Variants in CNKSR1 observed in about 807,000 individuals in gnomAD.
CNKSR1 encodes the protein CNK homolog protein 1.
CNKSR1 carries 88 observed loss-of-function variants against 95.6 expected under a neutral mutation model. The observed-to-expected ratio is 0.92, with a 90% CI of 0.78 to 1.10. The LOEUF is 1.10. Ranked by LOEUF, CNKSR1 falls within the 50% of genes least tolerant of loss-of-function variation. The pLI, the probability that CNKSR1 is intolerant of heterozygous loss-of-function variation, is 0.00. For missense variants in CNKSR1, 836 were observed against 912.0 expected (o/e 0.92, Z 1.07); for synonymous variants, 355 against 369.7 (o/e 0.96, Z 0.46).
At chr1:26,186,885 G>A (rs1569886429) in intron 14 of CNKSR1, 3 of 418,430 alleles carry the variant, frequency 7.2e-6, no homozygotes, top group South Asian at 4.5e-5. Context: ...TTACAGGCAT[G>A]AGCCACCATG....
In CNKSR1 at chr1:26,178,834, G is replaced by A. The variant is rs181693178; in HGVS notation, c.52+1235G>A. 3.4e-3 allele frequency among the ~76,000 whole-genome samples: 514 copies of A among 152,316 alleles called. 3 individuals carry two copies. The highest frequency in any genetic ancestry group is 4.8e-3 in the Non-Finnish European group (328 of 68,032). On this transcript the variant is annotated intron_variant, in intron 1 of 20. Transcript: ENST00000361530. ...AGGGCACCAGCCCAATACAGTCACC[G>A]TGCAGGAAGGAGGTGGCTCAGGGGC...
rs985850127 is a variant in CNKSR1, at chr1:26,187,537, C to T, written c.1454+55C>T. 4 of 1,557,532 alleles carry T rather than the reference C, an allele frequency of 2.6e-6. No homozygotes were observed. The African/African-American group carries it at 4.1e-5, about 16-fold the overall frequency. ...TCATATGATTCCCAAACTCTGTGAG[C>T]TTGGGAGCCTAGGCTCAGGAGCCTG... On this transcript the variant is annotated intron_variant, in intron 16 of 20. Coordinates refer to ENST00000361530, the MANE Select transcript of CNKSR1 (RefSeq NM_006314.3).
At chr1:26,179,394 C>T (rs769749680) in intron 1 of CNKSR1, among the ~76,000 whole-genome samples, 10 of 152,228 alleles carry the variant, frequency 6.6e-5, no homozygotes, top group Non-Finnish European at 1.2e-4. Flanking sequence ...AGAAGAGCAA[C>T]GCCAGCAGGA....
At chr1:26,180,382 A>C in intron 1 of CNKSR1, 71 bp from the exon 2 acceptor site, 1 of 1,567,190 alleles carries the variant, frequency 6.4e-7, no homozygotes, top group Non-Finnish European at 8.8e-7. Flanking sequence ...AGAGCTTTGC[A>C]GGCATGAAGA....
intron 14 of CNKSR1, 161 bp from the exon 15 acceptor site, chr1:26,187,007 G>T: frequency 1.5e-6 from 1 of 670,982 alleles, no homozygotes; most frequent in Non-Finnish European, 2.7e-6. Context: ...CCTGACCCCA[G>T]ATTCCAGCCC....
chr1:26,182,219 G>A, intron 4 of CNKSR1, 142 bp from the exon 5 acceptor site: 2 of 866,492 alleles, frequency 2.3e-6, no homozygotes, highest in Non-Finnish European at 3.7e-6. Flanking sequence ...TTAAAACGCT[G>A]AGGCCCTGTG....
chr1:26,184,266 G>A lies in CNKSR1; in HGVS notation c.979G>A (p.Gly327Arg), dbSNP rs772209035. ...AFDLSSNPSP[G>R]PSPAWTDSAS... ...TGACCTGTCTTCAAACCCCAGTCCCGGACCCAGCCCTGCCTGGACAGGTAG... is the reference window on the plus strand; with the variant it reads ...TGACCTGTCTTCAAACCCCAGTCCCAGACCCAGCCCTGCCTGGACAGGTAG... The change falls in exon 11 of 21, where the codon GGA becomes AGA. Residue 327 changes from glycine to arginine, a missense_variant. By Grantham distance (125) the Gly-to-Arg change is moderately radical. Coordinates refer to ENST00000361530, the MANE Select transcript of CNKSR1 (RefSeq NM_006314.3). The A allele has an allele frequency of 5.6e-6, 9 of 1,613,586 alleles. No individual in the cohort carries two copies. Among genetic ancestry groups the A allele is most frequent in the Middle Eastern group, 1.6e-4 (1 of 6,062 alleles).
intron 1 of CNKSR1, chr1:26,180,080 G>A (rs1223642220): frequency 1.2e-5 from 4 of 329,038 alleles, no homozygotes; most frequent in Non-Finnish European, 2.3e-5. Flanking sequence ...AGGCTGCAGT[G>A]AGCCGTGACT....
At chr1:26,181,067 G>A (rs1173993695) in intron 3 of CNKSR1, 171 bp downstream of exon 3, 3 of 761,896 alleles carry the variant, frequency 3.9e-6, no homozygotes, top group South Asian at 3.0e-5. Context: ...ATCACTTGAG[G>A]TCAGGAGTTG....
chr1:26,187,589 G>A, intron 16 of CNKSR1, 107 bp downstream of exon 16: 1 of 1,013,374 alleles, frequency 9.9e-7, no homozygotes, highest in Non-Finnish European at 1.6e-6. Context: ...CTCTCTGAGA[G>A]TGGTTGGTCA....
chr1:26,180,012 T>A (rs2088618926), intron 1 of CNKSR1, among the ~76,000 whole-genome samples: 2 of 152,112 alleles, frequency 1.3e-5, no homozygotes, highest in Admixed American at 1.3e-4. Context: ...GGTGTGTGCC[T>A]GTAGTCCCAG....
Position 26,188,829 on chromosome 1 carries a change from C to G in CNKSR1, c.1748C>G (p.Ser583Cys), listed in dbSNP as rs1263208465. 2 of 1,612,538 alleles carry G rather than the reference C, an allele frequency of 1.2e-6. No individual in the cohort carries two copies. Among genetic ancestry groups the G allele is most frequent in the East Asian group, 4.5e-5 (2 of 44,842 alleles). ...CGGGGGCTGAGGCAGGGTGGCGTGT[C>G]CCTCCTAGGCCAGCCACAGCCCCTG... ...MVRGLRQGGV[S>C]LLGQPQPLTQ... The change falls in exon 20 of 21, where the codon TCC (serine) becomes TGC (cysteine). Residue 583 changes from serine to cysteine, a missense_variant. Ser to Cys is a moderately radical substitution (Grantham distance 112). Transcript: ENST00000361530.
chr1:26,186,922 T>G (rs1164390380), intron 14 of CNKSR1: 3 of 489,074 alleles, frequency 6.1e-6, no homozygotes, highest in Non-Finnish European at 1.1e-5. Context: ...CTCTTTTTTT[T>G]TTTTTTGGCT....
intron 13 of CNKSR1, 22 bp downstream of exon 13, chr1:26,184,634 G>A: frequency 1.3e-6 from 2 of 1,588,990 alleles, no homozygotes; most frequent in Non-Finnish European, 8.6e-7. Flanking sequence ...GCTGGACTAG[G>A]TGGGGGTTCC....
Position 26,185,026 on chromosome 1 carries a change from G to C in CNKSR1, c.1148G>C (p.Arg383Pro). 1 of 1,599,058 alleles carries C rather than the reference G, an allele frequency of 6.3e-7. No homozygotes were observed. Among genetic ancestry groups the C allele is most frequent in the South Asian group, 1.1e-5 (1 of 90,022 alleles). ...GRKKSKGLAT[R>P]LSRRRVSCRE... ...TGTGCTGCTACAGGCCTGGCGACCC[G>C]GCTGAGCCGCCGGCGGGTGTCATGC... The change falls in exon 14 of 21, where the codon CGG becomes CCG. Residue 383 changes from arginine (R) to proline (P), a missense_variant. Arg to Pro is a moderately radical substitution (Grantham distance 103). Coordinates refer to ENST00000361530, the MANE Select transcript of CNKSR1 (RefSeq NM_006314.3).
Position 26,185,020 on chromosome 1 carries a change from C to T in CNKSR1, c.1142C>T (p.Ala381Val), listed in dbSNP as rs764304706. 15 of 1,595,580 alleles carry T rather than the reference C, an allele frequency of 9.4e-6. No individual in the cohort carries two copies. The highest frequency in any genetic ancestry group is 2.7e-5 in the African/African-American group (2 of 74,778). The change falls in exon 14 of 21, where the codon GCG (alanine) becomes GTG (valine). Residue 381 changes from alanine (A) to valine (V), a missense_variant. Coordinates refer to ENST00000361530, the MANE Select transcript of CNKSR1 (RefSeq NM_006314.3). Reference sequence around the variant, plus strand: ...TTGTGCTGTGCTGCTACAGGCCTGGCGACCCGGCTGAGCCGCCGGCGGGTG... The same window carrying T: ...TTGTGCTGTGCTGCTACAGGCCTGGTGACCCGGCTGAGCCGCCGGCGGGTG... Reference protein sequence around the residue: ...PVGRKKSKGLATRLSRRRVSC... With the variant: ...PVGRKKSKGLVTRLSRRRVSC...
chr1:26,180,508 G>T lies in CNKSR1; in HGVS notation c.108G>T (p.Lys36Asn), dbSNP rs1444766945. The T allele has an allele frequency of 1.9e-6, 3 of 1,614,104 alleles. No homozygotes were observed. Among genetic ancestry groups the T allele is most frequent in the Non-Finnish European group, 2.5e-6 (3 of 1,180,064 alleles). The change falls in exon 2 of 21, where the codon AAG becomes AAT. Residue 36 changes from lysine (K) to asparagine (N), a missense_variant. By Grantham distance (94) the Lys-to-Asn change is moderately conservative. Coordinates refer to ENST00000361530, the MANE Select transcript of CNKSR1 (RefSeq NM_006314.3). Reference sequence around the variant, plus strand: ...TTGAGGACTGGCAGCTGCCTGGCAAGAACCTGCTCCAGCTCTGCCCCCAAA... The same window carrying T: ...TTGAGGACTGGCAGCTGCCTGGCAATAACCTGCTCCAGCTCTGCCCCCAAA... ...YPFEDWQLPG[K>N]NLLQLCPQSL... is the part of the protein sequence containing the mutation.
rs56832482 is a variant in CNKSR1 at position 26,181,077 on chromosome 1, G to C, written c.392+181G>C. ...GGCAGATCACTTGAGGTCAGGAGTT[G>C]GAGACCAGCCTGGCCAACATGGTGA... On this transcript the variant is annotated intron_variant, in intron 3 of 20. Coordinates refer to ENST00000361530, the MANE Select transcript of CNKSR1 (RefSeq NM_006314.3). 2,408 of 704,814 alleles carry C rather than the reference G, an allele frequency of 3.4e-3. 54 individuals are homozygous for C. The African/African-American group carries it at 0.039, about 11-fold the overall frequency. 43.7% of individuals were successfully genotyped at this position (704,814 alleles called of 1,614,324 possible). A position where few individuals can be genotyped will look rare whatever the true frequency, so the allele number is the denominator to read the frequency against.
Position 26,182,412 on chromosome 1 carries a change from T to G in CNKSR1, c.519+10T>G. ...CACAGTCCTGAGGATCGTGAGTCTG[T>G]GGGGTGGGAAGAGAGTGGGGGTAGG... On this transcript the variant is annotated intron_variant, in intron 5 of 20. Transcript: ENST00000361530. 6.2e-7 allele frequency: 1 copy of G among 1,613,426 alleles called. No individual in the cohort carries two copies. The highest frequency in any genetic ancestry group is 8.5e-7 in the Non-Finnish European group (1 of 1,179,798).
Sources: gnomAD v4.1 joint callset for allele counts (sites outside exome capture counted in the v4.1 genomes callset) on GRCh38, gnomAD v4.1.1 for gene constraint, MANE v1.5 for transcripts, NCBI Gene and HGNC (gene_info 2026-07-23, HGNC 2026-07-21) for gene names.